Variants in FRY observed in about 807,000 individuals in gnomAD.
FRY encodes protein furry homolog.
Under a neutral mutation model 348.4 loss-of-function variants are expected in FRY, and 128 were observed. The observed-to-expected ratio is 0.37, with a 90% CI of 0.32 to 0.43. The LOEUF is 0.43. Ranked by LOEUF, FRY falls within the 20% of genes least tolerant of loss-of-function variation. FRY has a pLI of 1.00. For synonymous variants in FRY, 1,370 were observed against 1,374.7 expected (o/e 1.00, Z 0.08); for missense variants, 2,736 against 3,695.2 (o/e 0.74, Z 6.73).
chr13:32,292,045 C>T (rs768583139), intron 59 of FRY: 65 of 449,392 alleles, frequency 1.4e-4, no homozygotes, highest in African/African-American at 3.0e-4. Flanking sequence ...TGCAATGGCA[C>T]GATCTCGGCT....
At chr13:32,272,530 C>T (rs1276988612) in intron 55 of FRY, among the ~76,000 whole-genome samples, 1 of 152,140 alleles carries the variant, frequency 6.6e-6, no homozygotes, top group Non-Finnish European at 1.5e-5. Context: ...TGGTGGCACA[C>T]GCCTGTGATA....
At chr13:32,114,728 G>A (rs1878193025) in intron 3 of FRY, among the ~76,000 whole-genome samples, 1 of 152,198 alleles carries the variant, frequency 6.6e-6, no homozygotes, top group African/African-American at 2.4e-5. Context: ...TGGGAGGAAT[G>A]TCCTTCATTT....
intron 11 of FRY, among the ~76,000 whole-genome samples, chr13:32,145,387 A>C (rs992619881): frequency 1.3e-5 from 2 of 152,140 alleles, no homozygotes; most frequent in Non-Finnish European, 2.9e-5. Flanking sequence ...AGAATGGATA[A>C]GATGTCAAAT....
intron 46 of FRY, among the ~76,000 whole-genome samples, chr13:32,242,901 T>C (rs1337377752): frequency 6.6e-6 from 1 of 152,222 alleles, no homozygotes; most frequent in East Asian, 1.9e-4. Flanking sequence ...ATCATCTCTA[T>C]CAACTTTTTA....
At chr13:32,194,534 G>T (rs1205982179) in intron 29 of FRY, among the ~76,000 whole-genome samples, 1 of 152,088 alleles carries the variant, frequency 6.6e-6, no homozygotes, top group Non-Finnish European at 1.5e-5. Flanking sequence ...TTAATTGCCT[G>T]GAAATTCACA....
chr13:32,124,975 A>C, intron 7 of FRY, 100 bp downstream of exon 7: 1 of 846,264 alleles, frequency 1.2e-6, no homozygotes. Context: ...ACAAGGAACT[A>C]GGTAGGGCTC....
intron 23 of FRY, among the ~76,000 whole-genome samples, chr13:32,181,940 A>C (rs192948925): frequency 2.6e-5 from 4 of 152,328 alleles, no homozygotes; most frequent in Admixed American, 1.3e-4. Context: ...AAGTGGAGGA[A>C]ATTATCGATG....
chr13:32,143,638 T>G (rs1387911294), intron 11 of FRY, among the ~76,000 whole-genome samples: 1 of 152,136 alleles, frequency 6.6e-6, no homozygotes, highest in East Asian at 1.9e-4. Context: ...AGATTATGAA[T>G]ATGAAAGAAT....
In FRY at chr13:32,276,068, TA is replaced by T. The variant is rs1277801987; in HGVS notation, c.8287-394del. ...AAAAGTCATTCTGTCTTAAATGACT[TA>T]AGGTATAGATTAAATACAAAATAAG... is the stretch of plus-strand genomic sequence containing the variant. On this transcript the variant is annotated intron_variant, in intron 56 of 60. Coordinates refer to ENST00000542859, the MANE Select transcript of FRY (RefSeq NM_023037.3). 6.6e-5 allele frequency among the ~76,000 whole-genome samples: 10 copies of T among 152,202 alleles called. No homozygotes were observed. The East Asian group carries it at 1.9e-3, about 29-fold the overall frequency.
intron 7 of FRY, among the ~76,000 whole-genome samples, chr13:32,128,433 C>T (rs1879158610): frequency 6.6e-6 from 1 of 152,142 alleles, no homozygotes; most frequent in Non-Finnish European, 1.5e-5. Flanking sequence ...ACATAGTAGG[C>T]CCCCGGTAAA....
At chr13:32,045,495 C>T (rs1290767773) in intron 1 of FRY, among the ~76,000 whole-genome samples, 1 of 152,218 alleles carries the variant, frequency 6.6e-6, no homozygotes, top group Non-Finnish European at 1.5e-5. Context: ...TGTAATTGTG[C>T]ATCAGCCTCC....
At chr13:32,055,829 A>G (rs1873593294) in intron 1 of FRY, among the ~76,000 whole-genome samples, 1 of 152,222 alleles carries the variant, frequency 6.6e-6, no homozygotes, top group East Asian at 1.9e-4. Flanking sequence ...TTAAGTTAGT[A>G]TACCTTCCAG....
intron 2 of FRY, among the ~76,000 whole-genome samples, chr13:32,082,240 A>C (rs1231225030): frequency 6.7e-6 from 1 of 150,002 alleles, no homozygotes. Context: ...AAAAAAAAAC[A>C]GGAAATAAAA....
In FRY at chr13:32,234,671, G is replaced by A. The variant is rs766611286; in HGVS notation, c.5625G>A (p.Arg1875=). The part of the protein sequence containing the change: ...HYAGRSFQIF[R]ALKQPLSAHA... The stretch of plus-strand genomic sequence containing the variant: ...CTGGTCGGTCCTTCCAGATATTCCG[G>A]GCCCTCAAGCAACCTCTGTCAGCAC... The change falls in exon 42 of 61, where the codon CGG becomes CGA. Residue 1875 remains arginine, a synonymous_variant. Transcript: ENST00000542859. 3.7e-6 allele frequency: 6 copies of A among 1,614,096 alleles called. No homozygotes were observed. Among genetic ancestry groups the A allele is most frequent in the Non-Finnish European group, 5.1e-6 (6 of 1,180,016 alleles).
chr13:32,264,724 C>G (rs750445613), intron 53 of FRY, among the ~76,000 whole-genome samples: 9 of 152,180 alleles, frequency 5.9e-5, no homozygotes, highest in Non-Finnish European at 1.3e-4. Flanking sequence ...CTGCTCATTC[C>G]ACATTTTGTA....
chr13:32,184,959 A>G lies in FRY; in HGVS notation c.3147-17A>G, dbSNP rs1882942617. ...TAAAGACTGATCATCTAAAAGTTTCATTTTCCTTTATTCCAGCACAAATGG... is the reference window on the plus strand; with the variant it reads ...TAAAGACTGATCATCTAAAAGTTTCGTTTTCCTTTATTCCAGCACAAATGG... On this transcript the variant is annotated splice_polypyrimidine_tract_variant and intron_variant, in intron 25 of 60. Coordinates refer to ENST00000542859, the MANE Select transcript of FRY (RefSeq NM_023037.3). 8 of 1,610,938 alleles carry G rather than the reference A, an allele frequency of 5.0e-6. No individual in the cohort carries two copies. The South Asian group carries it at 7.7e-5, about 15-fold the overall frequency.
chr13:32,186,458 G>T lies in FRY; in HGVS notation c.3480+38G>T, dbSNP rs369613237. 7 of 1,286,890 alleles carry T rather than the reference G, an allele frequency of 5.4e-6. No homozygotes were observed. In the African/African-American group the frequency reaches 7.3e-5, roughly 13 times the overall value. 79.7% of individuals were successfully genotyped at this position (1,286,890 alleles called of 1,614,324 possible). ...GTACTCACGAATGACTGAGTCAGAT[G>T]GATGGTCTCTCTCGTTAAACTAATA... On this transcript the variant is annotated intron_variant, in intron 27 of 60. Transcript: ENST00000542859.
chr13:32,194,032 G>A (rs1290811478), intron 28 of FRY, 111 bp from the exon 29 acceptor site: 9 of 1,080,808 alleles, frequency 8.3e-6, no homozygotes, highest in South Asian at 2.5e-5. Context: ...ATGAAAGCTC[G>A]GTCTTCCCTT....
At chr13:32,268,688 G>T (rs904066627) in intron 55 of FRY, among the ~76,000 whole-genome samples, 1 of 149,760 alleles carries the variant, frequency 6.7e-6, no homozygotes, top group Non-Finnish European at 1.5e-5. Flanking sequence ...TTTTGGGGGG[G>T]TGGGGAGACA....
Sources: allele counts gnomAD v4.1 joint callset (sites outside exome capture counted in the v4.1 genomes callset), GRCh38; gene constraint gnomAD v4.1.1; transcripts MANE v1.5; gene names NCBI Gene and HGNC (gene_info 2026-07-23, HGNC 2026-07-21).